The following KCND2 variants were observed in gnomAD, a reference collection of about 807,000 sequenced individuals.
KCND2 encodes potassium voltage-gated channel subfamily D member 2.
Under a neutral mutation model 54.4 loss-of-function variants are expected in KCND2, and 16 were observed. The observed-to-expected ratio is 0.29, with a 90% CI of 0.20 to 0.45. The LOEUF is 0.45. KCND2 is among the 20% of genes least tolerant of loss of function. The pLI is 1.00. For missense variants in KCND2, 486 were observed against 824.2 expected, an observed-to-expected ratio of 0.59 and a Z score of 5.02; for synonymous variants, 317 against 310.7, an observed-to-expected ratio of 1.02 and a Z score of -0.21.
At chr7:120,661,120 G>T (rs930838207) in intron 1 of KCND2, among the ~76,000 whole-genome samples, 1 of 152,116 alleles carries the variant, frequency 6.6e-6, no homozygotes, top group Non-Finnish European at 1.5e-5. Flanking sequence ...GCTAAATAAT[G>T]ATGTGGAATC....
intron 1 of KCND2, among the ~76,000 whole-genome samples, chr7:120,288,143 G>A (rs1799375266): frequency 1.3e-5 from 2 of 152,122 alleles, no homozygotes; most frequent in Admixed American, 1.3e-4. Context: ...TAGGTAGGCT[G>A]AGCTTTTCTT....
chr7:120,447,042 T>C (rs1802027345), intron 1 of KCND2, among the ~76,000 whole-genome samples: 1 of 152,210 alleles, frequency 6.6e-6, no homozygotes. Flanking sequence ...AAGGAGAAAC[T>C]GTTTTATCCT....
intron 1 of KCND2, among the ~76,000 whole-genome samples, chr7:120,623,391 G>A (rs2116504000): frequency 1.3e-5 from 2 of 152,216 alleles, no homozygotes; most frequent in African/African-American, 4.8e-5. Flanking sequence ...CTTACATTCA[G>A]TCTGCTGTGA....
At chr7:120,689,073 CTATAATACACA>C (rs1792238173) in intron 1 of KCND2, among the ~76,000 whole-genome samples, 1 of 152,134 alleles carries the variant, frequency 6.6e-6, no homozygotes, top group Admixed American at 6.6e-5. Flanking sequence ...CTTATCATGG[CTATAATACACA>C]CAGAGTGTCA....
At chr7:120,652,496 C>T (rs1364272378) in intron 1 of KCND2, among the ~76,000 whole-genome samples, 3 of 151,960 alleles carry the variant, frequency 2.0e-5, no homozygotes, top group Admixed American at 2.0e-4. Context: ...CCATGTTCCC[C>T]AACAATAAAA....
chr7:120,610,905 G>A (rs1267191897), intron 1 of KCND2, among the ~76,000 whole-genome samples: 1 of 152,084 alleles, frequency 6.6e-6, no homozygotes, highest in East Asian at 1.9e-4. Context: ...CTGTCCTTTT[G>A]TTCTCTTCAC....
At chr7:120,366,772 AG>A (rs759041557) in intron 1 of KCND2, among the ~76,000 whole-genome samples, 63 of 152,262 alleles carry the variant, frequency 4.1e-4, no homozygotes, top group Non-Finnish European at 7.6e-4. Flanking sequence ...ATTTGTTAAA[AG>A]AACAGATTGG....
intron 2 of KCND2, among the ~76,000 whole-genome samples, chr7:120,734,115 GACAT>G: frequency 6.6e-6 from 1 of 152,212 alleles, no homozygotes; most frequent in South Asian, 2.1e-4. Context: ...AAAGGAAAGT[GACAT>G]ACAGAAAACA....
chr7:120,624,966 T>C (rs1793147615), intron 1 of KCND2, among the ~76,000 whole-genome samples: 1 of 152,200 alleles, frequency 6.6e-6, no homozygotes, highest in Non-Finnish European at 1.5e-5. Flanking sequence ...ATTTTGATTA[T>C]AAATTTATGA....
intron 1 of KCND2, among the ~76,000 whole-genome samples, chr7:120,415,466 G>A (rs1311895001): frequency 1.3e-5 from 2 of 151,804 alleles, no homozygotes; most frequent in African/African-American, 2.4e-5. Context: ...TGGGTATTCT[G>A]CCTACTTTAC....
chr7:120,601,040 A>C (rs549347967), intron 1 of KCND2, among the ~76,000 whole-genome samples: 224 of 152,244 alleles, frequency 1.5e-3, no homozygotes, highest in South Asian at 3.1e-3. Context: ...TGTTTTAATA[A>C]CAGTTAATAA....
chr7:120,365,209 G>A (rs1475773625), intron 1 of KCND2, among the ~76,000 whole-genome samples: 1 of 138,464 alleles, frequency 7.2e-6, no homozygotes, highest in African/African-American at 2.7e-5. Context: ...AAAGAAGGAA[G>A]GAAGGGAGGG....
At chr7:120,319,467 A>T (rs547254296) in intron 1 of KCND2, among the ~76,000 whole-genome samples, 2 of 152,108 alleles carry the variant, frequency 1.3e-5, no homozygotes, top group African/African-American at 4.8e-5. Flanking sequence ...ATTGAAATTT[A>T]TTCATACAGT....
intron 1 of KCND2, among the ~76,000 whole-genome samples, chr7:120,505,784 A>G (rs948927602): frequency 6.6e-6 from 1 of 151,770 alleles, no homozygotes; most frequent in African/African-American, 2.4e-5. Flanking sequence ...ACTATTAGAG[A>G]AGAGTAGGGT....
At chr7:120,418,567 A>C (rs962035553) in intron 1 of KCND2, among the ~76,000 whole-genome samples, 1 of 152,092 alleles carries the variant, frequency 6.6e-6, no homozygotes, top group Non-Finnish European at 1.5e-5. Context: ...CATTACTCAG[A>C]TGACCCCAAC....
At chr7:120,567,171 C>T (rs1239399670) in intron 1 of KCND2, among the ~76,000 whole-genome samples, 1 of 152,108 alleles carries the variant, frequency 6.6e-6, no homozygotes, top group Admixed American at 6.6e-5. Flanking sequence ...TATTATTTTC[C>T]CTTCAACAAT....
chr7:120,476,881 T>C (rs897427112), intron 1 of KCND2, among the ~76,000 whole-genome samples: 1 of 152,192 alleles, frequency 6.6e-6, no homozygotes, highest in African/African-American at 2.4e-5. Flanking sequence ...GCATCACAAT[T>C]GACTCTAAGC....
At chr7:120,604,314 C>A (rs1316136317) in intron 1 of KCND2, among the ~76,000 whole-genome samples, 1 of 145,686 alleles carries the variant, frequency 6.9e-6, no homozygotes, top group East Asian at 2.0e-4. Flanking sequence ...CCAGCCTGGC[C>A]AACATGGCAA....
At chr7:120,607,801 A>T (rs1212570064) in intron 1 of KCND2, among the ~76,000 whole-genome samples, 2 of 152,072 alleles carry the variant, frequency 1.3e-5, no homozygotes, top group Non-Finnish European at 2.9e-5. Flanking sequence ...CATGAGTGGT[A>T]TTAGAATATG....
Sources: allele counts gnomAD v4.1 joint callset (sites outside exome capture counted in the v4.1 genomes callset), GRCh38; gene constraint gnomAD v4.1.1; transcripts MANE v1.5; gene names NCBI Gene and HGNC (gene_info 2026-07-23, HGNC 2026-07-21).